FSHR: variants seen among roughly 807,000 people sequenced by gnomAD.
FSHR encodes follicle-stimulating hormone receptor.
Under a neutral mutation model 52.1 loss-of-function variants are expected in FSHR, and 46 were observed. The observed-to-expected ratio is 0.88, with a 90% CI of 0.70 to 1.13. The LOEUF is 1.13. Ranked by LOEUF, FSHR falls within the 50% of genes most tolerant of loss-of-function variation. The pLI is 0.00. For synonymous variants in FSHR, 399 were observed against 309.6 expected, an observed-to-expected ratio of 1.29 and a Z score of -3.03; for missense variants, 964 against 834.6, an observed-to-expected ratio of 1.16 and a Z score of -1.91.
chr2:48,965,932 G>T lies in FSHR; in HGVS notation c.855-1966C>A, dbSNP rs566558539. ...TAAGGAGTTGGGAATTCAGTTTAGG[G>T]TCAGTTGAAAAAGTGGCACTCTTGG... On this transcript the variant is annotated intron_variant, in intron 9 of 9. Transcript: ENST00000406846. Among the ~76,000 whole-genome samples the T allele has an allele frequency of 3.9e-5, 6 of 152,306 alleles. No individual in the cohort carries two copies. The South Asian group carries it at 1.0e-3, about 26-fold the overall frequency.
At chr2:49,142,260 G>T (rs1179512394) in intron 1 of FSHR, among the ~76,000 whole-genome samples, 1 of 152,192 alleles carries the variant, frequency 6.6e-6, no homozygotes, top group Non-Finnish European at 1.5e-5. Context: ...AAGTTTATGT[G>T]CTATTATAGT....
intron 2 of FSHR, among the ~76,000 whole-genome samples, chr2:49,059,012 C>T (rs1669181960): frequency 6.6e-6 from 1 of 152,084 alleles, no homozygotes; most frequent in Non-Finnish European, 1.5e-5. Context: ...AGTTCAAGAG[C>T]AGCCTGGGCA....
At chr2:48,993,571 T>C (rs1401056486) in intron 4 of FSHR, among the ~76,000 whole-genome samples, 1 of 152,166 alleles carries the variant, frequency 6.6e-6, no homozygotes, top group Non-Finnish European at 1.5e-5. Flanking sequence ...CCATTCTCCA[T>C]ACAGCACTCT....
chr2:49,088,077 T>G (rs528314659), intron 1 of FSHR, among the ~76,000 whole-genome samples: 56 of 152,260 alleles, frequency 3.7e-4, no homozygotes, highest in Middle Eastern at 3.4e-3. Context: ...ATGAGGGCCC[T>G]GAGCTGAGCA....
intron 2 of FSHR, among the ~76,000 whole-genome samples, chr2:49,047,108 A>G (rs1317905541): frequency 6.6e-6 from 1 of 152,074 alleles, no homozygotes; most frequent in African/African-American, 2.4e-5. Context: ...TTAGAATGGA[A>G]CTTACTCTAT....
At chr2:49,072,417 G>A (rs1187600219) in intron 1 of FSHR, among the ~76,000 whole-genome samples, 1 of 152,002 alleles carries the variant, frequency 6.6e-6, no homozygotes, top group Non-Finnish European at 1.5e-5. Context: ...TATTGTACCA[G>A]AAAAGGAAAC....
chr2:49,127,830 C>CTTCTTCTTCTTCTTCTTCTTCTTCTTCT (rs1558456676), intron 1 of FSHR, among the ~76,000 whole-genome samples: 1 of 21,054 alleles, frequency 4.7e-5, no homozygotes, highest in African/African-American at 2.3e-4. Context: ...CTTCTTCTTC[C>CTTCTTCTTCTTCTTCTTCTTCTTCTTCT]TCTTCTTCTT....
intron 4 of FSHR, among the ~76,000 whole-genome samples, chr2:49,011,045 T>G (rs1286085853): frequency 1.7e-4 from 25 of 150,956 alleles, no homozygotes; most frequent in Non-Finnish European, 3.4e-4. Flanking sequence ...CTGCTCTGAT[T>G]TTAGTTATTT....
At chr2:48,968,651 T>C in intron 9 of FSHR, 47 bp downstream of exon 9, 1 of 1,599,704 alleles carries the variant, frequency 6.3e-7, no homozygotes, top group Non-Finnish European at 8.6e-7. Flanking sequence ...GTGGACAAAG[T>C]TCTACATTGG....
At chr2:49,131,208 A>G (rs764829888) in intron 1 of FSHR, among the ~76,000 whole-genome samples, 2 of 152,172 alleles carry the variant, frequency 1.3e-5, no homozygotes, top group African/African-American at 2.4e-5. Flanking sequence ...TTCATTTGCT[A>G]TTTTCTTTCT....
chr2:49,075,286 C>A (rs1296571325), intron 1 of FSHR, among the ~76,000 whole-genome samples: 1 of 152,122 alleles, frequency 6.6e-6, no homozygotes, highest in East Asian at 1.9e-4. Flanking sequence ...CATCACTATG[C>A]TCCCCATAAA....
chr2:49,049,564 A>G (rs1208644369), intron 2 of FSHR, among the ~76,000 whole-genome samples: 1 of 152,102 alleles, frequency 6.6e-6, no homozygotes, highest in Admixed American at 6.6e-5. Context: ...TCTGTGCTCT[A>G]CCAAGCAAGG....
intron 1 of FSHR, among the ~76,000 whole-genome samples, chr2:49,149,825 G>A (rs1324868982): frequency 6.6e-6 from 1 of 152,012 alleles, no homozygotes; most frequent in Admixed American, 6.6e-5. Flanking sequence ...AGAAGTAAAT[G>A]CTAGTGAAAA....
intron 1 of FSHR, among the ~76,000 whole-genome samples, chr2:49,116,601 A>G (rs1671608543): frequency 6.6e-6 from 1 of 152,232 alleles, no homozygotes; most frequent in Admixed American, 6.5e-5. Flanking sequence ...TAAGTACTTG[A>G]TAAATGATAG....
chr2:49,021,834 TC>T (rs1558395127), intron 2 of FSHR, among the ~76,000 whole-genome samples: 2,395 of 23,776 alleles, frequency 0.1, 49 homozygotes, highest in East Asian at 0.23. Context: ...TATGTGTTTC[TC>T]TCTCTCTCTC....
chr2:49,071,127 T>A (rs1184546314), intron 1 of FSHR, among the ~76,000 whole-genome samples: 1 of 152,128 alleles, frequency 6.6e-6, no homozygotes, highest in African/African-American at 2.4e-5. Context: ...TAGAAAAGTA[T>A]AGAATATGGA....
intron 1 of FSHR, among the ~76,000 whole-genome samples, chr2:49,127,751 TTTCTTC>T (rs1345639633): frequency 0.025 from 1,963 of 77,198 alleles, 87 homozygotes; most frequent in Non-Finnish European, 0.027. Context: ...CTTCTTCTTC[TTTCTTC>T]TTCTTCTTCT....
At chr2:49,072,533 T>G (rs1210662963) in intron 1 of FSHR, among the ~76,000 whole-genome samples, 1 of 152,170 alleles carries the variant, frequency 6.6e-6, no homozygotes, top group Non-Finnish European at 1.5e-5. Flanking sequence ...TAATTTTTAT[T>G]CCATTTTTTG....
intron 1 of FSHR, among the ~76,000 whole-genome samples, chr2:49,144,058 T>G (rs1672784540): frequency 6.6e-6 from 1 of 151,502 alleles, no homozygotes. Context: ...AAATAGGGAG[T>G]TTTTGGACTT....
Sources: allele counts gnomAD v4.1 joint callset (sites outside exome capture counted in the v4.1 genomes callset), GRCh38; gene constraint gnomAD v4.1.1; transcripts MANE v1.5; gene names NCBI Gene and HGNC (gene_info 2026-07-23, HGNC 2026-07-21).